Variants in RBM34 observed in about 807,000 individuals in gnomAD.
RBM34 encodes the protein RNA binding motif protein 34, also known as RNA-binding protein 34.
In RBM34, 39 loss-of-function variants were observed where a neutral mutation model predicts 44.6. That is an observed-to-expected ratio of 0.87 (90% confidence interval 0.68 to 1.14). The LOEUF (loss-of-function observed/expected upper bound fraction) is 1.14, where lower values mean the gene tolerates loss of function less well. RBM34 is among the 50% of genes most tolerant of loss of function. The pLI is 0.00. For missense variants in RBM34, 572 were observed against 517.9 expected (o/e 1.10, Z -1.01); for synonymous variants, 194 against 184.0 (o/e 1.05, Z -0.44).
At chr1:235,158,677 GGT>G (rs1182259631) in intron 3 of RBM34, among the ~76,000 whole-genome samples, 1 of 152,076 alleles carries the variant, frequency 6.6e-6, no homozygotes, top group East Asian at 1.9e-4. Flanking sequence ...CTCCAGAACT[GGT>G]ACAAAGGTCT....
Position 235,149,625 on chromosome 1 carries a change from T to C in RBM34, c.658-1178A>G, listed in dbSNP as rs1179305464. Among the ~76,000 whole-genome samples, 19 of 152,274 alleles carry C rather than the reference T, an allele frequency of 1.2e-4. No individual in the cohort carries two copies. The South Asian group carries it at 1.9e-3, about 15-fold the overall frequency. ...CAGGTTCACTTTATTTCCAGTCATA[T>C]ATAGCCTCCTTTAAGAGTGGATGGG... is the stretch of plus-strand genomic sequence containing the variant. On this transcript the variant is annotated intron_variant, in intron 5 of 10. Transcript: ENST00000408888.
intron 6 of RBM34, among the ~76,000 whole-genome samples, chr1:235,145,303 A>G (rs551398238): frequency 1.4e-5 from 2 of 148,066 alleles, no homozygotes; most frequent in South Asian, 4.2e-4. Flanking sequence ...TTTTTGAGAT[A>G]GGGTCTCACT....
chr1:235,157,141 T>C (rs188444298), intron 3 of RBM34, among the ~76,000 whole-genome samples: 1 of 152,272 alleles, frequency 6.6e-6, no homozygotes, highest in East Asian at 1.9e-4. Context: ...GAGGAGACAC[T>C]GAAGACTTTG....
At chr1:235,145,861 C>T (rs1558143056) in intron 6 of RBM34, among the ~76,000 whole-genome samples, 1 of 151,976 alleles carries the variant, frequency 6.6e-6, no homozygotes. Flanking sequence ...TCACAGTTCA[C>T]TGAAGCCTCA....
intron 3 of RBM34, among the ~76,000 whole-genome samples, chr1:235,159,730 G>C (rs1662614668): frequency 6.6e-6 from 1 of 150,798 alleles, no homozygotes; most frequent in Non-Finnish European, 1.5e-5. Context: ...AATTAACCGG[G>C]CATGGTGGCA....
intron 3 of RBM34, among the ~76,000 whole-genome samples, chr1:235,159,387 TAAG>T (rs1442792255): frequency 6.6e-6 from 1 of 151,424 alleles, no homozygotes; most frequent in East Asian, 1.9e-4. Context: ...CCGTCTCTAC[TAAG>T]AATACAAAAA....
chr1:235,148,646 T>C (rs989361641), intron 5 of RBM34, among the ~76,000 whole-genome samples, 199 bp from the exon 6 acceptor site: 33 of 151,958 alleles, frequency 2.2e-4, no homozygotes, highest in African/African-American at 7.5e-4. Context: ...TCACCCAGGC[T>C]GGAGTGCAGT....
At chr1:235,144,910 G>A (rs905377151) in intron 6 of RBM34, among the ~76,000 whole-genome samples, 36 of 151,978 alleles carry the variant, frequency 2.4e-4, no homozygotes, top group African/African-American at 7.2e-4. Flanking sequence ...CAGGTGTAGC[G>A]CACATGCCTG....
chr1:235,152,747 TA>T lies in RBM34; in HGVS notation c.615del (p.Phe205LeufsTer7). The T allele has an allele frequency of 6.3e-7, 1 of 1,585,816 alleles. No individual in the cohort carries two copies. The highest frequency in any genetic ancestry group is 8.6e-7 in the Non-Finnish European group (1 of 1,167,876). ...TCNKKKLKSF[F>X]KEYGQIESVR... ...ACAGATTCTATTTGTCCATACTCTT[TA>T]AAAAACGACTTCAGCTTCTAAAATT... is the stretch of plus-strand genomic sequence containing the variant. On this transcript the variant is annotated frameshift_variant, in exon 5 of 11. Coordinates refer to ENST00000408888, the MANE Select transcript of RBM34 (RefSeq NM_015014.4). LOFTEE classifies it high-confidence loss of function.
intron 10 of RBM34, among the ~76,000 whole-genome samples, chr1:235,133,907 G>A (rs182595574): frequency 1.3e-5 from 2 of 152,064 alleles, no homozygotes; most frequent in African/African-American, 2.4e-5. Context: ...CTGTCAGTTC[G>A]GCTGGAGTGC....
At chr1:235,135,889 C>T in intron 9 of RBM34, 119 bp from the exon 10 acceptor site, 1 of 1,225,732 alleles carries the variant, frequency 8.2e-7, no homozygotes. Context: ...TTATATTGCA[C>T]ACTTTTTAGT....
intron 10 of RBM34, among the ~76,000 whole-genome samples, chr1:235,134,707 A>G (rs1436401024): frequency 6.6e-6 from 1 of 151,304 alleles, no homozygotes; most frequent in Non-Finnish European, 1.5e-5. Flanking sequence ...TTGTAGCAAT[A>G]TATTATGGCA....
chr1:235,140,371 A>C (rs1368348369), intron 6 of RBM34, among the ~76,000 whole-genome samples: 3 of 151,932 alleles, frequency 2.0e-5, no homozygotes, highest in Non-Finnish European at 2.9e-5. Flanking sequence ...CGGGCCCCGC[A>C]CTCGGAGCAG....
intron 6 of RBM34, among the ~76,000 whole-genome samples, chr1:235,141,576 G>T (rs527601201): frequency 2.6e-5 from 4 of 152,140 alleles, no homozygotes; most frequent in South Asian, 4.2e-4. Context: ...CAAGCCACTC[G>T]GGTCCCCTTC....
At chr1:235,148,104 A>C (rs1661984088) in intron 6 of RBM34, among the ~76,000 whole-genome samples, 1 of 152,214 alleles carries the variant, frequency 6.6e-6, no homozygotes, top group Non-Finnish European at 1.5e-5. Flanking sequence ...GGCATTTGTA[A>C]TCTGTATGAG....
chr1:235,137,116 A>G (rs112953669), intron 8 of RBM34, among the ~76,000 whole-genome samples: 573 of 152,286 alleles, frequency 3.8e-3, no homozygotes, highest in African/African-American at 0.013. Context: ...AAGTGTCCCA[A>G]TGCTGAGCTG....
intron 4 of RBM34, among the ~76,000 whole-genome samples, chr1:235,152,996 A>G (rs532231136): frequency 2.6e-4 from 39 of 148,494 alleles, no homozygotes; most frequent in African/African-American, 9.5e-4. Context: ...CAGCCTCCCA[A>G]GTAGCTGGGA....
intron 3 of RBM34, among the ~76,000 whole-genome samples, chr1:235,158,839 C>T (rs941604523): frequency 2.6e-5 from 4 of 151,710 alleles, no homozygotes; most frequent in Admixed American, 6.6e-5. Flanking sequence ...TTATGCTGGC[C>T]GGGCATGGTG....
intron 10 of RBM34, among the ~76,000 whole-genome samples, chr1:235,132,269 G>A (rs1319617383): frequency 6.6e-6 from 1 of 151,924 alleles, no homozygotes; most frequent in Non-Finnish European, 1.5e-5. Flanking sequence ...ATTGTAAAAT[G>A]AGGTTCTAGA....
Sources: allele counts gnomAD v4.1 joint callset (sites outside exome capture counted in the v4.1 genomes callset), GRCh38; gene constraint gnomAD v4.1.1; transcripts MANE v1.5; gene names NCBI Gene and HGNC (gene_info 2026-07-23, HGNC 2026-07-21).